The following XKR6 variants were observed in gnomAD, a reference collection of about 807,000 sequenced individuals.
The protein encoded by XKR6 is XK related 6, also known as XK-related protein 6.
XKR6 carries 22 observed loss-of-function variants against 56.7 expected under a neutral mutation model. The observed-to-expected ratio is 0.39, with a 90% confidence interval of 0.28 to 0.55. XKR6 has a LOEUF of 0.55. XKR6 is among the 20% of genes least tolerant of loss of function. The probability of loss-of-function intolerance (pLI) is 0.66; values close to 1 mark genes in which losing one functional copy is unlikely to be tolerated. For missense variants in XKR6, 852 were observed against 889.0 expected, an observed-to-expected ratio of 0.96 and a Z score of 0.53; for synonymous variants, 524 against 387.8, an observed-to-expected ratio of 1.35 and a Z score of -4.13.
At chr8:11,096,546 G>A (rs576300121) in intron 1 of XKR6, among the ~76,000 whole-genome samples, 12 of 152,280 alleles carry the variant, frequency 7.9e-5, no homozygotes, top group South Asian at 4.1e-4. Flanking sequence ...GGTATCAGAC[G>A]GATCAAAGCT....
chr8:10,984,533 A>G (rs918675501), intron 1 of XKR6, among the ~76,000 whole-genome samples: 3 of 151,996 alleles, frequency 2.0e-5, no homozygotes, highest in African/African-American at 7.2e-5. Flanking sequence ...TAAAATTATC[A>G]TTGTTTTCAG....
chr8:10,968,229 C>T (rs940192010), intron 1 of XKR6, among the ~76,000 whole-genome samples: 2 of 152,222 alleles, frequency 1.3e-5, no homozygotes, highest in Admixed American at 6.5e-5. Flanking sequence ...CCCAGGTTCC[C>T]CTCCGTCCTC....
chr8:11,097,482 TTAA>T (rs1214944530), intron 1 of XKR6, among the ~76,000 whole-genome samples: 10 of 145,360 alleles, frequency 6.9e-5, no homozygotes, highest in African/African-American at 2.4e-4. Context: ...CTTTTTTTTT[TTAA>T]AAAAAAAAAG....
intron 1 of XKR6, among the ~76,000 whole-genome samples, chr8:11,134,295 A>G (rs1050515557): frequency 6.6e-6 from 1 of 152,132 alleles, no homozygotes; most frequent in African/African-American, 2.4e-5. Context: ...CCCTATCCCA[A>G]TGCCTTAAGG....
At chr8:11,100,362 T>A (rs571387357) in intron 1 of XKR6, among the ~76,000 whole-genome samples, 3 of 152,300 alleles carry the variant, frequency 2.0e-5, no homozygotes, top group East Asian at 1.9e-4. Flanking sequence ...GCCTCATTTT[T>A]AAAAAAGAAT....
chr8:11,110,557 C>T (rs1008729088), intron 1 of XKR6, among the ~76,000 whole-genome samples: 1 of 152,308 alleles, frequency 6.6e-6, no homozygotes, highest in East Asian at 1.9e-4. Context: ...ATTCTTTCCC[C>T]TTGATCCATT....
chr8:10,908,154 G>A (rs914700798), intron 2 of XKR6, among the ~76,000 whole-genome samples: 1 of 152,184 alleles, frequency 6.6e-6, no homozygotes, highest in African/African-American at 2.4e-5. Flanking sequence ...TGGCCCTGCC[G>A]GGCAGAAGAC....
At chr8:11,039,005 C>G (rs1427222524) in intron 1 of XKR6, among the ~76,000 whole-genome samples, 1 of 152,146 alleles carries the variant, frequency 6.6e-6, no homozygotes, top group African/African-American at 2.4e-5. Context: ...AGCTGCAGGG[C>G]GGGTGGGCAC....
At chr8:10,977,211 T>C (rs1025989797) in intron 1 of XKR6, among the ~76,000 whole-genome samples, 3 of 151,884 alleles carry the variant, frequency 2.0e-5, no homozygotes, top group Non-Finnish European at 4.4e-5. Flanking sequence ...GCACCCTCAT[T>C]TTACTAAGAT....
In XKR6 at chr8:10,910,724, C is replaced by T. The variant is rs965730076; in HGVS notation, c.962-11808G>A. Reference sequence around the variant, plus strand: ...GGTTTAAAGGGCCCAGGAGGAGGAACGCTAAATCCAGCCCCCTGCTTCACT... The same window carrying T: ...GGTTTAAAGGGCCCAGGAGGAGGAATGCTAAATCCAGCCCCCTGCTTCACT... On this transcript the variant is annotated intron_variant, in intron 2 of 2. Coordinates refer to ENST00000416569, the MANE Select transcript of XKR6 (RefSeq NM_173683.4). Among the ~76,000 whole-genome samples, 23 of 152,326 alleles carry T rather than the reference C, an allele frequency of 1.5e-4. No individual in the cohort carries two copies. The East Asian group carries it at 2.5e-3, about 17-fold the overall frequency.
chr8:10,905,273 C>A (rs1348391293), intron 2 of XKR6, among the ~76,000 whole-genome samples: 1 of 152,186 alleles, frequency 6.6e-6, no homozygotes, highest in Non-Finnish European at 1.5e-5. Context: ...AGCTGTCACT[C>A]AGGTCGTGCG....
intron 2 of XKR6, among the ~76,000 whole-genome samples, chr8:10,904,017 C>T (rs1344951673): frequency 6.6e-6 from 1 of 152,296 alleles, no homozygotes; most frequent in Non-Finnish European, 1.5e-5. Context: ...AGGAACCGGC[C>T]GTGGAAGCCC....
At chr8:11,061,642 C>T (rs1423897464) in intron 1 of XKR6, among the ~76,000 whole-genome samples, 1 of 152,134 alleles carries the variant, frequency 6.6e-6, no homozygotes, top group East Asian at 1.9e-4. Context: ...TGAAAGACCA[C>T]CCTGGCCTGG....
chr8:11,031,224 G>C (rs899396696), intron 1 of XKR6, among the ~76,000 whole-genome samples: 1 of 152,254 alleles, frequency 6.6e-6, no homozygotes, highest in Admixed American at 6.5e-5. Context: ...GAGCAATAGA[G>C]AAAGAGAGAG....
chr8:11,178,556 A>ATATATATATATG (rs1480897463), intron 1 of XKR6, among the ~76,000 whole-genome samples: 4 of 130,780 alleles, frequency 3.1e-5, no homozygotes, highest in South Asian at 4.9e-4. Context: ...AAATATATAT[A>ATATATATATATG]TATATATATA....
At chr8:11,053,460 T>C (rs1799605769) in intron 1 of XKR6, among the ~76,000 whole-genome samples, 1 of 152,166 alleles carries the variant, frequency 6.6e-6, no homozygotes. Flanking sequence ...GAGAGCTGCA[T>C]CTCTTCCCCA....
chr8:10,926,881 C>A (rs1199000687), intron 1 of XKR6, among the ~76,000 whole-genome samples: 1 of 152,156 alleles, frequency 6.6e-6, no homozygotes, highest in African/African-American at 2.4e-5. Context: ...TGCACCTAGT[C>A]TCAGAGCTCA....
Position 11,097,333 on chromosome 8 carries a change from G to C in XKR6, c.764+103243C>G, listed in dbSNP as rs369477644. Among the ~76,000 whole-genome samples the C allele has an allele frequency of 1.8e-4, 28 of 152,192 alleles. No individual in the cohort carries two copies. In the South Asian group the frequency reaches 2.9e-3, roughly 16 times the overall value. ...AGGATGCAATACTGCAGCCAGAGTT[G>C]GTACAATGCAAACATTCCACGAGAA... On this transcript the variant is annotated intron_variant, in intron 1 of 2. Coordinates refer to ENST00000416569, the MANE Select transcript of XKR6 (RefSeq NM_173683.4).
At chr8:10,955,896 T>C (rs1268433445) in intron 1 of XKR6, among the ~76,000 whole-genome samples, 1 of 152,224 alleles carries the variant, frequency 6.6e-6, no homozygotes, top group Non-Finnish European at 1.5e-5. Flanking sequence ...GACAAAATGC[T>C]GAGAGGGAAG....
Sources: allele counts gnomAD v4.1 joint callset (sites outside exome capture counted in the v4.1 genomes callset), GRCh38; gene constraint gnomAD v4.1.1; transcripts MANE v1.5; gene names NCBI Gene and HGNC (gene_info 2026-07-23, HGNC 2026-07-21).